Variants in DDX50 observed in about 807,000 individuals in gnomAD.
DDX50 encodes ATP-dependent RNA helicase DDX50.
DDX50 carries 56 observed loss-of-function variants against 94.8 expected under a neutral mutation model. The ratio of observed to expected loss-of-function variants is 0.59; its 90% CI spans 0.48 to 0.74. The LOEUF is 0.74. Ranked by LOEUF, DDX50 falls within the 30% of genes least tolerant of loss-of-function variation. The pLI is 0.00. For missense variants in DDX50, 713 were observed against 881.2 expected (o/e 0.81, Z 2.42); for synonymous variants, 264 against 295.4 (o/e 0.89, Z 1.09).
intron 8 of DDX50, among the ~76,000 whole-genome samples, chr10:68,932,379 C>T (rs1842295859): frequency 6.6e-6 from 1 of 152,154 alleles, no homozygotes; most frequent in Non-Finnish European, 1.5e-5. Context: ...CCTGCCTTAA[C>T]CTCTCGAGTA....
At position 68,946,179 on chromosome 10, in the gene DDX50, G is replaced by A. The variant is rs1208897593; in HGVS notation, c.1936-173G>A. The stretch of plus-strand genomic sequence containing the variant: ...AAACTGAGTATGAATTTATGATCTC[G>A]AAAATTGAAAATATTTTTGCTTATT... On this transcript the variant is annotated intron_variant, in intron 14 of 14. Transcript: ENST00000373585. Among the ~76,000 whole-genome samples the A allele has an allele frequency of 3.3e-5, 5 of 151,978 alleles. No homozygotes were observed. The East Asian group carries it at 5.8e-4, about 18-fold the overall frequency.
intron 8 of DDX50, among the ~76,000 whole-genome samples, chr10:68,932,635 A>G (rs1205123966): frequency 6.6e-6 from 1 of 152,282 alleles, no homozygotes; most frequent in East Asian, 1.9e-4. Flanking sequence ...ATACCAGGAA[A>G]TTTGCAGCAG....
chr10:68,913,685 A>G, intron 6 of DDX50, 109 bp downstream of exon 6: 4 of 1,040,966 alleles, frequency 3.8e-6, no homozygotes, highest in Non-Finnish European at 5.4e-6. Flanking sequence ...TTCTAACAAA[A>G]CTAAAATAAT....
intron 8 of DDX50, among the ~76,000 whole-genome samples, chr10:68,928,362 C>T (rs1202428916): frequency 6.6e-6 from 1 of 151,912 alleles, no homozygotes; most frequent in Non-Finnish European, 1.5e-5. Flanking sequence ...AAATTACTTT[C>T]TTTTTTACCA....
In DDX50 at chr10:68,922,344, T is replaced by A. The variant is rs113380868; in HGVS notation, c.1239+2363T>A. Reference sequence around the variant, plus strand: ...CACATGCCTCAAAATTTCGCATTTTTAAAAAATCTGTTGTGTTTATTCAGT... The same window carrying A: ...CACATGCCTCAAAATTTCGCATTTTAAAAAAATCTGTTGTGTTTATTCAGT... On this transcript the variant is annotated intron_variant, in intron 8 of 14. Coordinates refer to ENST00000373585, the MANE Select transcript of DDX50 (RefSeq NM_024045.2). Among the ~76,000 whole-genome samples, 861 of 152,304 alleles carry A rather than the reference T, an allele frequency of 5.7e-3. 15 individuals carry two copies. The highest frequency in any genetic ancestry group is 0.019 in the African/African-American group (807 of 41,574).
At chr10:68,932,888 C>CT (rs1219886192) in intron 8 of DDX50, among the ~76,000 whole-genome samples, 1 of 151,968 alleles carries the variant, frequency 6.6e-6, no homozygotes, top group African/African-American at 2.4e-5. Flanking sequence ...AGGTACACAA[C>CT]TTTTTTTATA....
chr10:68,905,062 G>A (rs1008978352), intron 1 of DDX50, among the ~76,000 whole-genome samples: 4 of 152,070 alleles, frequency 2.6e-5, no homozygotes, highest in South Asian at 2.1e-4. Flanking sequence ...GATTACAGGC[G>A]TGTACCACAA....
At chr10:68,945,195 T>C (rs1272879931) in intron 14 of DDX50, among the ~76,000 whole-genome samples, 1 of 152,242 alleles carries the variant, frequency 6.6e-6, no homozygotes, top group Non-Finnish European at 1.5e-5. Context: ...CCTTTTTTTT[T>C]ACTTTGGTTA....
intron 12 of DDX50, 26 bp downstream of exon 12, chr10:68,937,121 AT>A (rs1175184975): frequency 6.4e-7 from 1 of 1,572,034 alleles, no homozygotes; most frequent in South Asian, 1.2e-5. Context: ...AAAATTGTAC[AT>A]GAGTGGGAAA....
At chr10:68,945,236 G>A (rs951251866) in intron 14 of DDX50, among the ~76,000 whole-genome samples, 1 of 151,714 alleles carries the variant, frequency 6.6e-6, no homozygotes, top group Non-Finnish European at 1.5e-5. Flanking sequence ...TGGAATGTTC[G>A]TTTGTCTTTT....
At chr10:68,930,847 A>G (rs965704042) in intron 8 of DDX50, among the ~76,000 whole-genome samples, 3 of 152,032 alleles carry the variant, frequency 2.0e-5, no homozygotes, top group African/African-American at 7.2e-5. Flanking sequence ...GAGATGGAAT[A>G]TCCTTACATA....
chr10:68,942,621 C>CTT (rs11400853), intron 13 of DDX50, among the ~76,000 whole-genome samples: 64 of 148,842 alleles, frequency 4.3e-4, no homozygotes, highest in African/African-American at 1.3e-3. Flanking sequence ...CAGCTTTTTT[C>CTT]TTTTTTTTTT....
intron 1 of DDX50, 74 bp downstream of exon 1, chr10:68,901,545 A>C: frequency 6.9e-7 from 1 of 1,454,262 alleles, no homozygotes; most frequent in East Asian, 2.6e-5. Context: ...TCTGTCCCTG[A>C]TGATGGCCTG....
chr10:68,904,585 A>G (rs1841387074), intron 1 of DDX50, among the ~76,000 whole-genome samples: 1 of 152,240 alleles, frequency 6.6e-6, no homozygotes, highest in Non-Finnish European at 1.5e-5. Flanking sequence ...GGGAATATAA[A>G]GTGTAACTGA....
Position 68,918,428 on chromosome 10 carries a change from C to CTT in DDX50, c.1090-1380_1090-1379dup, listed in dbSNP as rs34777951. Among the ~76,000 whole-genome samples, 411 of 57,070 alleles carry CTT rather than the reference C, an allele frequency of 7.2e-3. 4 individuals are homozygous for CTT. The highest frequency in any genetic ancestry group is 0.01 in the African/African-American group (134 of 12,782). 37.4% of individuals were successfully genotyped at this position (57,070 alleles called of 152,430 possible). A position where few individuals can be genotyped will look rare whatever the true frequency, so the allele number is the denominator to read the frequency against. On this transcript the variant is annotated intron_variant, in intron 7 of 14. Transcript: ENST00000373585. ...TTAAACAGTTACTCTCCATTCCCTC[C>CTT]TTTTTTTTTTTTTTTTTTTTTTTTT...
chr10:68,943,027 A>G (rs1327700719), intron 13 of DDX50, among the ~76,000 whole-genome samples, 186 bp from the exon 14 acceptor site: 2 of 152,186 alleles, frequency 1.3e-5, no homozygotes, highest in African/African-American at 2.4e-5. Flanking sequence ...GGTCTACACA[A>G]ACTCTTCTAG....
In DDX50 at chr10:68,934,749, G is replaced by C. The variant is rs1842362948; in HGVS notation, c.1402-50G>C. On this transcript the variant is annotated intron_variant, in intron 9 of 14. Transcript: ENST00000373585. The surrounding 1 kb of genome is among the most constrained non-coding windows in gnomAD (Gnocchi z 4.0). The stretch of plus-strand genomic sequence containing the variant: ...AACATTATTATTTGGATTCCGGAAT[G>C]ACTGCAACTTGCTAGATTTTTAAAA... 3 of 1,542,700 alleles carry C rather than the reference G, an allele frequency of 1.9e-6. No individual in the cohort carries two copies. Among genetic ancestry groups the C allele is most frequent in the Non-Finnish European group, 2.6e-6 (3 of 1,150,536 alleles).
Position 68,906,925 on chromosome 10 carries a change from T to C in DDX50, c.302T>C (p.Ile101Thr), listed in dbSNP as rs777281899. The change falls in exon 2 of 15, where the codon ATA becomes ACA. Residue 101 changes from isoleucine (I) to threonine (T), a missense_variant. Physicochemically the swap from Ile to Thr is moderately conservative, Grantham distance 89. This residue lies in a region of DDX50 where 285 missense variants were observed against 278.9 expected (regional missense o/e 1.02). Transcript: ENST00000373585. ...AGAAAAGATCTACCAAATGGAGATATAGATGAATATGAAAAAAAATCAAAG... is the reference window on the plus strand; with the variant it reads ...AGAAAAGATCTACCAAATGGAGATACAGATGAATATGAAAAAAAATCAAAG... ...SRRKDLPNGD[I>T]DEYEKKSKRV... 18 of 1,602,308 alleles carry C rather than the reference T, an allele frequency of 1.1e-5. No homozygotes were observed. The African/African-American group carries it at 1.2e-4, about 11-fold the overall frequency.
At chr10:68,912,894 G>T (rs1220983800) in intron 4 of DDX50, among the ~76,000 whole-genome samples, 1 of 152,122 alleles carries the variant, frequency 6.6e-6, no homozygotes, top group Non-Finnish European at 1.5e-5. Flanking sequence ...ATCTTAGGTG[G>T]TTTAAGTGCT....
Sources: allele counts gnomAD v4.1 joint callset (sites outside exome capture counted in the v4.1 genomes callset), GRCh38; gene constraint gnomAD v4.1.1; regional missense constraint gnomAD v4.1.1; non-coding constraint Gnocchi (gnomAD v3.1); transcripts MANE v1.5; gene names NCBI Gene and HGNC (gene_info 2026-07-23, HGNC 2026-07-21).